The following CACNA1A variants were observed in gnomAD, a reference collection of about 807,000 sequenced individuals.
The protein encoded by CACNA1A is voltage-dependent P/Q-type calcium channel subunit alpha-1A.
In CACNA1A, 57 loss-of-function variants were observed where a neutral mutation model predicts 262.4. The ratio of observed to expected loss-of-function variants is 0.22; its 90% CI spans 0.18 to 0.27. CACNA1A has a LOEUF of 0.27. CACNA1A is among the 10% of genes least tolerant of loss of function. The pLI, the probability that CACNA1A is intolerant of heterozygous loss-of-function variation, is 1.00. For missense variants in CACNA1A, 2,526 were observed against 3,562.8 expected (o/e 0.71, Z 7.41); for synonymous variants, 1,431 against 1,419.3 (o/e 1.01, Z -0.18).
At chr19:13,491,797 C>T (rs1053200668) in intron 1 of CACNA1A, among the ~76,000 whole-genome samples, 3 of 152,144 alleles carry the variant, frequency 2.0e-5, no homozygotes, top group Non-Finnish European at 1.5e-5. Context: ...GATTGCACCA[C>T]TGTGCTCCAG....
intron 34 of CACNA1A, 101 bp downstream of exon 34, chr19:13,234,820 T>G (rs904104534): frequency 1.7e-5 from 14 of 811,970 alleles, no homozygotes; most frequent in Non-Finnish European, 2.8e-5. Flanking sequence ...GGGCACGTCT[T>G]GCATTGGAAG....
At chr19:13,396,065 C>A (rs1241206009) in intron 3 of CACNA1A, among the ~76,000 whole-genome samples, 1 of 152,232 alleles carries the variant, frequency 6.6e-6, no homozygotes, top group African/African-American at 2.4e-5. Context: ...TGAAGGCTCT[C>A]GTGCAAACAC....
chr19:13,305,000 C>T (rs942073008), intron 15 of CACNA1A, among the ~76,000 whole-genome samples: 25 of 152,170 alleles, frequency 1.6e-4, no homozygotes, highest in African/African-American at 5.8e-4. Context: ...CACAAGGACA[C>T]GTTTGGGGTC....
At chr19:13,237,859 G>A (rs1050514462) in intron 31 of CACNA1A, among the ~76,000 whole-genome samples, 13 of 152,206 alleles carry the variant, frequency 8.5e-5, no homozygotes, top group African/African-American at 3.1e-4. Context: ...CAACCCCAGA[G>A]TACAAGCCAT....
chr19:13,484,526 C>T (rs1403438725), intron 1 of CACNA1A, among the ~76,000 whole-genome samples: 1 of 152,174 alleles, frequency 6.6e-6, no homozygotes. Flanking sequence ...TCAATGATTT[C>T]CATCTCCACA....
At chr19:13,297,470 T>C (rs1010862957) in intron 19 of CACNA1A, among the ~76,000 whole-genome samples, 1 of 152,134 alleles carries the variant, frequency 6.6e-6, no homozygotes, top group African/African-American at 2.4e-5. Context: ...GGCCAGGAGT[T>C]GGGGACCAGC....
intron 14 of CACNA1A, 74 bp from the exon 15 acceptor site, chr19:13,307,928 T>A: frequency 6.9e-7 from 1 of 1,459,214 alleles, no homozygotes; most frequent in Non-Finnish European, 9.6e-7. Flanking sequence ...GTATCTCATC[T>A]CCAAGGAAAC....
intron 1 of CACNA1A, among the ~76,000 whole-genome samples, chr19:13,466,165 T>C (rs1436337196): frequency 6.6e-6 from 1 of 152,102 alleles, no homozygotes; most frequent in Non-Finnish European, 1.5e-5. Context: ...TTTTCTGTTA[T>C]GCAAATTGCA....
At chr19:13,398,969 G>T (rs1013496286) in intron 3 of CACNA1A, among the ~76,000 whole-genome samples, 1 of 152,194 alleles carries the variant, frequency 6.6e-6, no homozygotes, top group African/African-American at 2.4e-5. Flanking sequence ...ACCAGCTCAG[G>T]AAACAATATT....
chr19:13,255,079 G>A lies in CACNA1A; in HGVS notation c.4755+16C>T, dbSNP rs2056509797. ...TGGGGGTTAAGTAGTGCTGGGGGCT[G>A]GTGTGGGGCACTTACCTTCATCATA... On this transcript the variant is annotated intron_variant, in intron 29 of 46. Coordinates refer to ENST00000360228, the MANE Select transcript of CACNA1A (RefSeq NM_001127222.2). 6.2e-7 allele frequency: 1 copy of A among 1,613,276 alleles called. No homozygotes were observed.
At chr19:13,267,003 C>T (rs1030603516) in intron 24 of CACNA1A, among the ~76,000 whole-genome samples, 9 of 152,168 alleles carry the variant, frequency 5.9e-5, no homozygotes, top group Non-Finnish European at 1.2e-4. Context: ...TGGGATGCCT[C>T]CTTCGCAGGG....
chr19:13,485,365 G>A (rs1037560864), intron 1 of CACNA1A, among the ~76,000 whole-genome samples: 5 of 151,966 alleles, frequency 3.3e-5, no homozygotes, highest in Non-Finnish European at 5.9e-5. Flanking sequence ...AAACTATAAA[G>A]GAAAAGATTT....
At chr19:13,313,763 G>A (rs1346497967) in intron 11 of CACNA1A, among the ~76,000 whole-genome samples, 2 of 152,008 alleles carry the variant, frequency 1.3e-5, no homozygotes, top group East Asian at 3.9e-4. Context: ...GGACCATAAC[G>A]GCCCCATAAT....
intron 11 of CACNA1A, among the ~76,000 whole-genome samples, chr19:13,313,498 T>TAA (rs1007419624): frequency 0.22 from 14,313 of 65,392 alleles, 1,805 homozygotes; most frequent in African/African-American, 0.29. Context: ...AGACCTTGTC[T>TAA]AAAAAAAAAA....
rs181553054 is a variant in CACNA1A, at chr19:13,326,468, C to T, written c.1345+3776G>A. Among the ~76,000 whole-genome samples, 8 of 152,056 alleles carry T rather than the reference C, an allele frequency of 5.3e-5. No individual in the cohort carries two copies. In the East Asian group the frequency reaches 1.2e-3, roughly 22 times the overall value. On this transcript the variant is annotated intron_variant, in intron 10 of 46. Transcript: ENST00000360228. ...GTGCGTTTATCAACTGATTCAACAG[C>T]GCAGTAGAATCACCAATTATATAAG...
At chr19:13,235,438 C>T (rs560748021) in intron 32 of CACNA1A, among the ~76,000 whole-genome samples, 164 bp from the exon 33 acceptor site, 2 of 152,268 alleles carry the variant, frequency 1.3e-5, no homozygotes, top group South Asian at 2.1e-4. Context: ...AGGATGAGGC[C>T]CTTACAGCTC....
At chr19:13,366,988 T>C (rs1377417879) in intron 4 of CACNA1A, among the ~76,000 whole-genome samples, 2 of 152,048 alleles carry the variant, frequency 1.3e-5, no homozygotes, top group East Asian at 3.9e-4. Context: ...ACCCAGAGAA[T>C]GCATGAGAAA....
intron 30 of CACNA1A, among the ~76,000 whole-genome samples, chr19:13,248,942 T>G (rs1274228685): frequency 1.2e-4 from 19 of 152,168 alleles, no homozygotes; most frequent in Admixed American, 1.2e-3. Context: ...CAGGGTATCA[T>G]TTAATTTTAA....
intron 30 of CACNA1A, 200 bp from the exon 31 acceptor site, chr19:13,245,465 T>C (rs2144692941): frequency 1.7e-6 from 1 of 578,878 alleles, no homozygotes; most frequent in Non-Finnish European, 3.1e-6. Flanking sequence ...CTGGGGGCCT[T>C]CCCATGATTG....
Sources: allele counts gnomAD v4.1 joint callset (sites outside exome capture counted in the v4.1 genomes callset), GRCh38; gene constraint gnomAD v4.1.1; transcripts MANE v1.5; gene names NCBI Gene and HGNC (gene_info 2026-07-23, HGNC 2026-07-21).